The following OPHN1 variants were observed in gnomAD, a reference collection of about 807,000 sequenced individuals.
The protein encoded by OPHN1 is oligophrenin 1, also known as oligophrenin-1.
Under a neutral mutation model 60.7 loss-of-function variants are expected in OPHN1, and 11 were observed. That is an observed-to-expected ratio of 0.18 (90% confidence interval 0.11 to 0.30). The LOEUF (loss-of-function observed/expected upper bound fraction) is 0.30, where lower values mean the gene tolerates loss of function less well. Ranked by LOEUF, OPHN1 falls within the 10% of genes least tolerant of loss-of-function variation. OPHN1 has a pLI of 1.00. For missense variants in OPHN1, 449 were observed against 611.0 expected (o/e 0.73, Z 2.80); for synonymous variants, 226 against 222.6 (o/e 1.02, Z -0.14).
intron 10 of OPHN1, among the ~76,000 whole-genome samples, chrX:68,204,931 C>T (rs928366343): frequency 5.4e-5 from 6 of 111,697 alleles, no homozygotes; most frequent in East Asian, 2.8e-4. Context: ...CTTTCCTCTC[C>T]GGTATTTGAA....
intron 18 of OPHN1, among the ~76,000 whole-genome samples, chrX:68,107,043 A>G (rs183470562): frequency 8.9e-6 from 1 of 112,022 alleles, no homozygotes; most frequent in Admixed American, 9.5e-5. Context: ...ATCCTCTGAA[A>G]GTACATTGCT....
rs1423120073 is a variant in OPHN1, at chrX:68,170,314, A to G, written c.1276+22605T>C. Among the ~76,000 whole-genome samples the G allele has an allele frequency of 8.9e-4, 93 of 104,816 alleles. 2 individuals are homozygous for G. Among genetic ancestry groups the G allele is most frequent in the South Asian group, 1.4e-3 (3 of 2,187 alleles). 91.0% of individuals were successfully genotyped at this position (104,816 alleles called of 115,157 possible). ...CTGGAGAGGATGTGGAGAAATAGGAACACTTTTACACTGTTGGTGGGACTG... is the reference window on the plus strand; with the variant it reads ...CTGGAGAGGATGTGGAGAAATAGGAGCACTTTTACACTGTTGGTGGGACTG... On this transcript the variant is annotated intron_variant, in intron 15 of 24. Transcript: ENST00000355520.
At chrX:68,274,176 G>GGA (rs1441751899) in intron 5 of OPHN1, among the ~76,000 whole-genome samples, 1 of 111,460 alleles carries the variant, frequency 9.0e-6, no homozygotes. Flanking sequence ...ATTTAGGTGG[G>GGA]GACACAGATC....
chrX:68,175,733 C>T (rs1193569125), intron 15 of OPHN1, among the ~76,000 whole-genome samples: 1 of 111,864 alleles, frequency 8.9e-6, no homozygotes, highest in Non-Finnish European at 1.9e-5. Context: ...AAATCTCCTT[C>T]TCCTGGGAAA....
rs1034663351 is a variant in OPHN1 at position 68,262,582 on chromosome X, G to A, written c.384+12156C>T. Among the ~76,000 whole-genome samples, 3 of 111,952 alleles carry A rather than the reference G, an allele frequency of 2.7e-5. 1 individual carries two copies. Among genetic ancestry groups the A allele is most frequent in the Admixed American group, 1.9e-4 (2 of 10,555 alleles). ...GTGGATCACCTGAGGTCAGGAGTTC[G>A]AGACCAGCCTGACCAACATGGAGAA... On this transcript the variant is annotated intron_variant, in intron 5 of 24. Transcript: ENST00000355520.
intron 2 of OPHN1, among the ~76,000 whole-genome samples, chrX:68,339,500 G>A (rs778517614): frequency 8.9e-6 from 1 of 112,026 alleles, no homozygotes; most frequent in South Asian, 3.7e-4. Context: ...ACATGATCTT[G>A]TATACAAAAC....
chrX:68,385,464 G>C (rs1421175140), intron 2 of OPHN1, among the ~76,000 whole-genome samples: 1 of 112,211 alleles, frequency 8.9e-6, no homozygotes, highest in East Asian at 2.8e-4. Context: ...AAAATTCCTT[G>C]CCATAGGCCA....
rs374999426 is a variant in OPHN1, at chrX:68,399,727, C to T, written c.154+33140G>A. On this transcript the variant is annotated intron_variant, in intron 2 of 24. Coordinates refer to ENST00000355520, the MANE Select transcript of OPHN1 (RefSeq NM_002547.3). Reference sequence around the variant, plus strand: ...TAAATAAAACCCTCTGAGGGGTTCACGCTATATCTCCCTAGCATGACCTAT... The same window carrying T: ...TAAATAAAACCCTCTGAGGGGTTCATGCTATATCTCCCTAGCATGACCTAT... Among the ~76,000 whole-genome samples, 7 of 110,537 alleles carry T rather than the reference C, an allele frequency of 6.3e-5. No homozygotes were observed. The Admixed American group carries it at 6.7e-4, about 11-fold the overall frequency.
At chrX:68,336,515 A>G (rs1311212522) in intron 2 of OPHN1, 4 of 110,854 alleles carry the variant, frequency 3.6e-5, no homozygotes, top group African/African-American at 1.3e-4. Flanking sequence ...AGATCACACC[A>G]TCATACTCCA....
chrX:68,407,611 C>T (rs1378957960), intron 2 of OPHN1, among the ~76,000 whole-genome samples: 9 of 111,888 alleles, frequency 8.0e-5, no homozygotes, highest in African/African-American at 2.9e-4. Context: ...ATAGGAAAAC[C>T]TTATACAATT....
At chrX:68,206,483 TTGA>T in intron 10 of OPHN1, 87 bp downstream of exon 10, 1 of 688,070 alleles carries the variant, frequency 1.5e-6, no homozygotes, top group South Asian at 2.2e-5. Flanking sequence ...AGTGATGAAC[TTGA>T]TGATTTGATA....
chrX:68,078,831 C>T (rs1000641159), intron 19 of OPHN1, among the ~76,000 whole-genome samples: 2 of 109,327 alleles, frequency 1.8e-5, no homozygotes, highest in Non-Finnish European at 3.8e-5. Flanking sequence ...ATTAATAGTA[C>T]AAAAATTAGT....
At chrX:68,208,259 T>A in intron 9 of OPHN1, among the ~76,000 whole-genome samples, 1 of 109,740 alleles carries the variant, frequency 9.1e-6, no homozygotes, top group Non-Finnish European at 1.9e-5. Context: ...TCCAGCTAAT[T>A]TTTGTATTTT....
chrX:68,163,058 C>T (rs1223885810), intron 15 of OPHN1, among the ~76,000 whole-genome samples: 1 of 110,806 alleles, frequency 9.0e-6, no homozygotes, highest in Non-Finnish European at 1.9e-5. Context: ...TCGCGAACTC[C>T]AACTATTTTT....
At chrX:68,425,549 A>G (rs1407793577) in intron 2 of OPHN1, among the ~76,000 whole-genome samples, 1 of 111,552 alleles carries the variant, frequency 9.0e-6, no homozygotes, top group Non-Finnish European at 1.9e-5. Flanking sequence ...GAAAGCAACC[A>G]CTCACCAGAT....
chrX:68,205,959 TG>T (rs2077556598), intron 10 of OPHN1, among the ~76,000 whole-genome samples: 1 of 76,599 alleles, frequency 1.3e-5, no homozygotes. Context: ...TGTGTGTATC[TG>T]TGTGTGTGAG....
chrX:68,382,001 G>A (rs1037489528), intron 2 of OPHN1, among the ~76,000 whole-genome samples: 2 of 111,649 alleles, frequency 1.8e-5, no homozygotes, highest in African/African-American at 6.5e-5. Context: ...AGTGAAAACT[G>A]TGCTTGGTCC....
chrX:68,291,826 A>G (rs2147618271), intron 3 of OPHN1, among the ~76,000 whole-genome samples: 1 of 110,356 alleles, frequency 9.1e-6, no homozygotes, highest in African/African-American at 3.3e-5. Context: ...ATTTTCTTCC[A>G]TTTCTTTGAG....
intron 15 of OPHN1, among the ~76,000 whole-genome samples, chrX:68,121,336 T>C (rs1021546131): frequency 2.8e-4 from 31 of 111,703 alleles, no homozygotes; most frequent in Admixed American, 2.5e-3. Context: ...TAAGAAAATA[T>C]GAGCAAACAT....
Sources: gnomAD v4.1 joint callset for allele counts (sites outside exome capture counted in the v4.1 genomes callset) on GRCh38, gnomAD v4.1.1 for gene constraint, MANE v1.5 for transcripts, NCBI Gene and HGNC (gene_info 2026-07-23, HGNC 2026-07-21) for gene names.